SALL2: variants seen among roughly 807,000 people sequenced by gnomAD.
SALL2 encodes spalt like transcription factor 2.
A neutral mutation model predicts 58.5 loss-of-function variants in SALL2; 32 were observed. The ratio of observed to expected loss-of-function variants is 0.55; its 90% CI spans 0.41 to 0.74. The LOEUF (loss-of-function observed/expected upper bound fraction) is 0.74, where lower values mean the gene tolerates loss of function less well. SALL2 is among the 30% of genes least tolerant of loss of function. The pLI, the probability that SALL2 is intolerant of heterozygous loss-of-function variation, is 0.00. For synonymous variants in SALL2, 516 were observed against 513.6 expected (o/e 1.00, Z -0.06); for missense variants, 1,201 against 1,268.9 (o/e 0.95, Z 0.81).
At chr14:21,526,442 C>G, upstream of SALL2, 12 of 1,182,332 alleles carry the variant, frequency 1.0e-5, no homozygotes, top group South Asian at 9.2e-5. Flanking sequence ...CTAGCGGGGG[C>G]GTGGGGGCGG....
chr14:21,530,829 C>T (rs1005164580), upstream of SALL2, among the ~76,000 whole-genome samples: 9 of 152,118 alleles, frequency 5.9e-5, no homozygotes, highest in African/African-American at 2.2e-4. Flanking sequence ...CCCAGGCTGT[C>T]TGGAATACCT....
chr14:21,526,220 G>A lies in SALL2; in HGVS notation c.-93C>T. 6.7e-7 allele frequency: 1 copy of A among 1,503,436 alleles called. No individual in the cohort carries two copies. The highest frequency in any genetic ancestry group is 8.9e-7 in the Non-Finnish European group (1 of 1,128,264). 93.1% of individuals were successfully genotyped at this position (1,503,436 alleles called of 1,614,324 possible). On this transcript the variant is annotated 5_prime_UTR_variant, in exon 1 of 2. Coordinates refer to ENST00000537235, the MANE Select transcript of SALL2 (RefSeq NM_001364564.1). ...GGCCGCTGGGTCTGCGGCAGCCTCT[G>A]CACCCAGCGGCCCAGACTGCGGAGA...
At position 21,523,878 on chromosome 14, in the gene SALL2, G is replaced by A; in HGVS notation, c.1844C>T (p.Thr615Ile). ...VTSAASGAPT[T>I]SAPAPSSSAS... The stretch of plus-strand genomic sequence containing the variant: ...TGAGGATGAAGGTGCAGGGGCAGAG[G>A]TGGTGGGGGCTCCTGAGGCAGCTGA... Residue 615 changes from threonine to isoleucine, a missense_variant, in exon 2 of 2, where the codon ACC (threonine) becomes ATC (isoleucine). Physicochemically the swap from Thr to Ile is moderately conservative, Grantham distance 89. Transcript: ENST00000537235. This position sits in a 1 kb window ranked among gnomAD's most constrained non-coding sequence, Gnocchi z 4.4. 6.2e-7 allele frequency: 1 copy of A among 1,614,234 alleles called. No individual in the cohort carries two copies. Among genetic ancestry groups the A allele is most frequent in the Non-Finnish European group, 8.5e-7 (1 of 1,180,050 alleles).
At chr14:21,537,110 T>C, upstream of SALL2, 1 of 589,268 alleles carries the variant, frequency 1.7e-6, no homozygotes, top group Non-Finnish European at 3.1e-6. Flanking sequence ...TCTCTGTTCT[T>C]GACTCTCTCT....
chr14:21,536,894 G>C (rs1355786949), intron 1 of SALL2: 1 of 1,614,140 alleles, frequency 6.2e-7, no homozygotes, highest in Admixed American at 1.7e-5. Flanking sequence ...ATTAACTGTT[G>C]GGGTTTCCGC....
intron 1 of SALL2, among the ~76,000 whole-genome samples, chr14:21,535,340 C>A (rs1222948241): frequency 7.3e-6 from 1 of 136,454 alleles, no homozygotes; most frequent in African/African-American, 2.8e-5. Flanking sequence ...GCGAGACTCT[C>A]TCTCAAAAAA....
Position 21,525,330 on chromosome 14 carries a change from G to A in SALL2, c.392C>T (p.Ala131Val), listed in dbSNP as rs139937192. 9 of 1,613,768 alleles carry A rather than the reference G, an allele frequency of 5.6e-6. No individual in the cohort carries two copies. The highest frequency in any genetic ancestry group is 5.3e-5 in the African/African-American group (4 of 74,884). ...GHFLVAATGTAAGGGGGLILA... is the reference protein window; with the variant it reads ...GHFLVAATGTVAGGGGGLILA... The stretch of plus-strand genomic sequence containing the variant: ...GATCAGGCCCCCGCCTCCCCCAGCC[G>A]CTGTACCTGTGGCAGCGACCAGGAA... Residue 131 changes from alanine (A) to valine (V), a missense_variant, in exon 2 of 2, where the codon GCG becomes GTG. Around this residue, in one of 3 missense-constraint regions of SALL2, gnomAD observed 467 missense variants for 468.9 expected, o/e 1.00. Transcript: ENST00000537235. The surrounding 1 kb of genome is among the most constrained non-coding windows in gnomAD (Gnocchi z 4.4).
Position 21,525,498 on chromosome 14 carries a change from G to T in SALL2, c.224C>A (p.Ala75Asp). The change falls in exon 2 of 2, where the codon GCC becomes GAC. Residue 75 changes from alanine (A) to aspartate (D), a missense_variant. By Grantham distance (126) the Ala-to-Asp change is moderately radical (BLOSUM62 -2). Around this residue, in one of 3 missense-constraint regions of SALL2, gnomAD observed 467 missense variants for 468.9 expected, o/e 1.00. Coordinates refer to ENST00000537235, the MANE Select transcript of SALL2 (RefSeq NM_001364564.1). The surrounding 1 kb of genome is among the most constrained non-coding windows in gnomAD (Gnocchi z 4.4). ...GGQENPNNSS[A>D]SSEPRPEGHN... ...ACCCTCAGGCCGGGGTTCAGAGGAG[G>T]CCGAAGAGTTGTTGGGGTTCTCCTG... 1 of 1,614,010 alleles carries T rather than the reference G, an allele frequency of 6.2e-7. No individual in the cohort carries two copies. The highest frequency in any genetic ancestry group is 8.5e-7 in the Non-Finnish European group (1 of 1,179,964).
intron 1 of SALL2, among the ~76,000 whole-genome samples, chr14:21,531,860 G>A (rs1321682925): frequency 6.6e-6 from 1 of 152,044 alleles, no homozygotes; most frequent in Non-Finnish European, 1.5e-5. Context: ...CTCCCAAGTA[G>A]CTGGGATTAC....
rs780842127 is a variant in SALL2 at position 21,524,264 on chromosome 14, C to A, written c.1458G>T (p.Glu486Asp). The A allele has an allele frequency of 7.4e-6, 12 of 1,613,894 alleles. No individual in the cohort carries two copies. The highest frequency in any genetic ancestry group is 1.0e-5 in the Non-Finnish European group (12 of 1,179,956). Residue 486 changes from glutamate (E) to aspartate (D), a missense_variant, in exon 2 of 2, where the codon GAG becomes GAT. Physicochemically the swap from Glu to Asp is conservative, Grantham distance 45 (BLOSUM62 2). Around this residue, in one of 3 missense-constraint regions of SALL2, gnomAD observed 675 missense variants for 683.8 expected, o/e 0.99. Transcript: ENST00000537235. ...CACTGGTGGAGAGCAGAGTCAGGCT[C>A]TCTGTGGCACTGAGTGCTGTTGTGG... ...VASTTALSAT[E>D]SLTLLSTSAG... is the part of the protein sequence containing the mutation.
intron 1 of SALL2, among the ~76,000 whole-genome samples, chr14:21,535,282 G>A (rs970016641): frequency 2.6e-5 from 4 of 151,028 alleles, no homozygotes; most frequent in Admixed American, 6.6e-5. Context: ...GAGGTGGAGC[G>A]GGCAGTGAGC....
upstream of SALL2, among the ~76,000 whole-genome samples, chr14:21,529,746 G>A (rs960513147): frequency 1.3e-5 from 2 of 152,086 alleles, no homozygotes; most frequent in African/African-American, 2.4e-5. Flanking sequence ...CCAGGAATTT[G>A]AGACCAGCCT....
chr14:21,531,888 C>T (rs1030804351), intron 1 of SALL2, among the ~76,000 whole-genome samples: 1 of 151,992 alleles, frequency 6.6e-6, no homozygotes, highest in African/African-American at 2.4e-5. Flanking sequence ...CGCCATCACA[C>T]CCAGCTAATT....
chr14:21,532,739 G>A (rs1051339767), intron 1 of SALL2, among the ~76,000 whole-genome samples: 7 of 152,038 alleles, frequency 4.6e-5, no homozygotes, highest in South Asian at 4.1e-4. Flanking sequence ...CAAAGTGGGC[G>A]GATCATGAAG....
chr14:21,526,078 T>C lies in SALL2; in HGVS notation c.50A>G (p.Glu17Gly). Reference protein sequence around the residue: ...RSSRLGVPCGEPAELGGDASE... With the variant: ...RSSRLGVPCGGPAELGGDASE... ...TACCGCACCTCCGAGCTCTGCCGGCTCCCCGCAGGGCACCCCGAGACGAGA... is the reference window on the plus strand; with the variant it reads ...TACCGCACCTCCGAGCTCTGCCGGCCCCCCGCAGGGCACCCCGAGACGAGA... Residue 17 changes from glutamate to glycine, a missense_variant, in exon 1 of 2, where the codon GAG becomes GGG. Coordinates refer to ENST00000537235, the MANE Select transcript of SALL2 (RefSeq NM_001364564.1). 1.3e-6 allele frequency: 2 copies of C among 1,535,204 alleles called. No individual in the cohort carries two copies. The highest frequency in any genetic ancestry group is 1.2e-5 in the South Asian group (1 of 84,032).
At chr14:21,536,722 T>C in intron 1 of SALL2, 1 of 675,788 alleles carries the variant, frequency 1.5e-6, no homozygotes, top group Admixed American at 2.6e-5. Context: ...TCTCAACTCC[T>C]TCAAACCCCC....
intron 1 of SALL2, among the ~76,000 whole-genome samples, chr14:21,531,815 C>T (rs941269079): frequency 2.0e-5 from 3 of 149,488 alleles, no homozygotes; most frequent in East Asian, 2.0e-4. Context: ...CTGCAATCTC[C>T]GCCTCCTGGG....
At chr14:21,532,949 C>T (rs1002640659) in intron 1 of SALL2, among the ~76,000 whole-genome samples, 12 of 151,334 alleles carry the variant, frequency 7.9e-5, no homozygotes, top group African/African-American at 2.9e-4. Flanking sequence ...GGCGACAGAG[C>T]GAGACTCCGT....
intron 1 of SALL2, among the ~76,000 whole-genome samples, chr14:21,532,044 A>G (rs929280047): frequency 6.6e-6 from 1 of 152,178 alleles, no homozygotes; most frequent in East Asian, 1.9e-4. Flanking sequence ...TCTCTTCTTT[A>G]AAATGAGGGT....
Sources: gnomAD v4.1 joint callset for allele counts (sites outside exome capture counted in the v4.1 genomes callset) on GRCh38, gnomAD v4.1.1 for gene constraint, gnomAD v4.1.1 regional missense constraint, Gnocchi (gnomAD v3.1) non-coding constraint, MANE v1.5 for transcripts, NCBI Gene and HGNC (gene_info 2026-07-23, HGNC 2026-07-21) for gene names.